The following DLGAP2 variants were observed in gnomAD, a reference collection of about 807,000 sequenced individuals.
DLGAP2 encodes DLG associated protein 2.
In DLGAP2, 26 loss-of-function variants were observed where a neutral mutation model predicts 100.3. That is an observed-to-expected ratio of 0.26 (90% CI 0.19 to 0.36). The LOEUF (loss-of-function observed/expected upper bound fraction) is 0.36, where lower values mean the gene tolerates loss of function less well. Ranked by LOEUF, DLGAP2 falls within the 10% of genes least tolerant of loss-of-function variation. DLGAP2 has a pLI of 1.00. For synonymous variants in DLGAP2, 886 were observed against 630.1 expected, an observed-to-expected ratio of 1.41 and a Z score of -6.08; for missense variants, 1,858 against 1,453.2, an observed-to-expected ratio of 1.28 and a Z score of -4.53.
intron 2 of DLGAP2, among the ~76,000 whole-genome samples, chr8:1,122,283 A>G (rs1288640607): frequency 6.6e-6 from 1 of 152,176 alleles, no homozygotes; most frequent in Non-Finnish European, 1.5e-5. Flanking sequence ...CATGACACGC[A>G]CAGGTTTTGC....
chr8:887,323 C>T (rs1252593661), intron 1 of DLGAP2, among the ~76,000 whole-genome samples: 2 of 152,060 alleles, frequency 1.3e-5, no homozygotes, highest in Non-Finnish European at 2.9e-5. Flanking sequence ...GACTCCTTAT[C>T]CAATTTGCCA....
chr8:1,621,427 G>A (rs1797332965), intron 6 of DLGAP2: 1 of 152,576 alleles, frequency 6.6e-6, no homozygotes, highest in Admixed American at 6.5e-5. Flanking sequence ...CCAGGGCAGA[G>A]GAGAGCCAGA....
chr8:1,435,957 G>C (rs74736986), intron 3 of DLGAP2, among the ~76,000 whole-genome samples: 1 of 152,142 alleles, frequency 6.6e-6, no homozygotes, highest in Non-Finnish European at 1.5e-5. Flanking sequence ...TTGTACAGCT[G>C]TACAATGCAT....
chr8:860,540 C>T (rs943884027), intron 1 of DLGAP2, among the ~76,000 whole-genome samples: 9 of 152,240 alleles, frequency 5.9e-5, no homozygotes, highest in African/African-American at 1.9e-4. Flanking sequence ...GGCAAACCGT[C>T]TGCATTTGCA....
intron 3 of DLGAP2, among the ~76,000 whole-genome samples, chr8:1,285,826 G>T (rs568838493): frequency 2.6e-5 from 4 of 152,078 alleles, no homozygotes; most frequent in East Asian, 3.9e-4. Context: ...AAAATGAGCT[G>T]GGCGTAGTGG....
intron 3 of DLGAP2, among the ~76,000 whole-genome samples, chr8:1,422,026 A>C (rs545439662): frequency 2.6e-5 from 4 of 152,262 alleles, no homozygotes; most frequent in African/African-American, 9.6e-5. Context: ...CAATCATAAT[A>C]GCTGATATTT....
In DLGAP2 at chr8:914,566, C is replaced by T. The variant is rs539037961; in HGVS notation, c.73+6600C>T. ...AAAATGTGACCCCCTGGGGAAAATG[C>T]AGCCTCTAAATGAAGCAGGGTCAGC... is the stretch of plus-strand genomic sequence containing the variant. On this transcript the variant is annotated intron_variant, in intron 2 of 14. Coordinates refer to ENST00000637795, the MANE Select transcript of DLGAP2 (RefSeq NM_001346810.2). Among the ~76,000 whole-genome samples, 3 of 152,320 alleles carry T rather than the reference C, an allele frequency of 2.0e-5. No individual in the cohort carries two copies. In the East Asian group the frequency reaches 5.8e-4, roughly 29 times the overall value.
chr8:1,432,697 G>A (rs1045214922), intron 3 of DLGAP2, among the ~76,000 whole-genome samples: 9 of 152,156 alleles, frequency 5.9e-5, no homozygotes, highest in Non-Finnish European at 1.0e-4. Context: ...CTGTCATGTC[G>A]GCATGCTGTG....
chr8:1,249,315 G>A (rs779328772), intron 2 of DLGAP2, among the ~76,000 whole-genome samples: 2 of 152,162 alleles, frequency 1.3e-5, no homozygotes, highest in Non-Finnish European at 1.5e-5. Context: ...CAGCCTGCAT[G>A]AGCGTCTCAG....
At chr8:1,461,231 GGGT>G in intron 3 of DLGAP2, among the ~76,000 whole-genome samples, 1 of 114,018 alleles carries the variant, frequency 8.8e-6, no homozygotes, top group East Asian at 4.2e-4. Context: ...GGAGGGAGAA[GGGT>G]GGCATTTGGG....
At chr8:923,030 G>A (rs761657656) in intron 2 of DLGAP2, among the ~76,000 whole-genome samples, 2 of 152,276 alleles carry the variant, frequency 1.3e-5, no homozygotes, top group Middle Eastern at 3.4e-3. Context: ...TATCACACTC[G>A]GGTGTGTGTT....
chr8:1,438,069 G>C (rs968888005), intron 3 of DLGAP2, among the ~76,000 whole-genome samples: 4 of 152,134 alleles, frequency 2.6e-5, no homozygotes, highest in South Asian at 2.1e-4. Flanking sequence ...TTCTCGAGTT[G>C]TGGGCTGTTT....
intron 3 of DLGAP2, among the ~76,000 whole-genome samples, chr8:1,461,129 G>A (rs371698916): frequency 6.7e-3 from 1,003 of 150,324 alleles, no homozygotes; most frequent in Non-Finnish European, 0.011. Context: ...CGCTGATTTC[G>A]TGGCCAGGAG....
chr8:1,558,541 A>T (rs980353268), intron 5 of DLGAP2, among the ~76,000 whole-genome samples: 4 of 152,052 alleles, frequency 2.6e-5, no homozygotes, highest in African/African-American at 4.8e-5. Context: ...ACCTGCACAC[A>T]TACACATATA....
At chr8:1,201,147 C>T (rs76378560) in intron 2 of DLGAP2, among the ~76,000 whole-genome samples, 5 of 152,164 alleles carry the variant, frequency 3.3e-5, no homozygotes, top group Non-Finnish European at 7.4e-5. Flanking sequence ...GAGGATGCCA[C>T]GGAGCCCTGT....
chr8:873,694 A>C (rs1797640001), intron 1 of DLGAP2, among the ~76,000 whole-genome samples: 1 of 152,186 alleles, frequency 6.6e-6, no homozygotes, highest in African/African-American at 2.4e-5. Context: ...TGATAAAATG[A>C]ATTAGGAAGT....
chr8:1,310,058 CAAA>C (rs3052029), intron 3 of DLGAP2, among the ~76,000 whole-genome samples: 46 of 105,666 alleles, frequency 4.4e-4, no homozygotes, highest in Admixed American at 5.1e-4. Flanking sequence ...GTCTCCATCT[CAAA>C]AAAAAAAAAA....
chr8:1,470,801 CAGCCTTTCCCGACCCCT>C (rs1798765258), intron 3 of DLGAP2, among the ~76,000 whole-genome samples: 1 of 117,496 alleles, frequency 8.5e-6, no homozygotes, highest in Non-Finnish European at 1.9e-5. Context: ...CCGACCCCTC[CAGCCTTTCCCGACCCCT>C]CCAGCCTTTC....
At chr8:1,558,328 T>C (rs367968839) in intron 5 of DLGAP2, among the ~76,000 whole-genome samples, 2 of 152,102 alleles carry the variant, frequency 1.3e-5, no homozygotes, top group African/African-American at 4.8e-5. Flanking sequence ...GGTTTGGAGA[T>C]GGCCATAGGA....
Sources: gnomAD v4.1 joint callset for allele counts (sites outside exome capture counted in the v4.1 genomes callset) on GRCh38, gnomAD v4.1.1 for gene constraint, MANE v1.5 for transcripts, NCBI Gene and HGNC (gene_info 2026-07-23, HGNC 2026-07-21) for gene names.